BCAS3: variants seen among roughly 807,000 people sequenced by gnomAD.
BCAS3 encodes BCAS3 microtubule associated cell migration factor.
Under a neutral mutation model 116.1 loss-of-function variants are expected in BCAS3, and 53 were observed. The observed-to-expected ratio is 0.46, with a 90% CI of 0.37 to 0.57. BCAS3 has a LOEUF of 0.57. BCAS3 is among the 20% of genes least tolerant of loss of function. The pLI is 0.00. For missense variants in BCAS3, 917 were observed against 1,165.4 expected (o/e 0.79, Z 3.10); for synonymous variants, 391 against 408.2 (o/e 0.96, Z 0.51).
At position 61,379,427 on chromosome 17, in the gene BCAS3, T is replaced by C. The variant is rs982633121; in HGVS notation, c.2593+10933T>C. On this transcript the variant is annotated intron_variant, in intron 23 of 23. Coordinates refer to ENST00000407086, the MANE Select transcript of BCAS3 (RefSeq NM_017679.5). The surrounding 1 kb of genome is among the most constrained non-coding windows in gnomAD (Gnocchi z 5.5). ...AGTTGGCAATGACCCTCTGACCCTT[T>C]AGGAATCCAGAATCTTGGCTCCTAG... 1 of 152,138 alleles carries C rather than the reference T, an allele frequency of 6.6e-6. No individual in the cohort carries two copies. Among genetic ancestry groups the C allele is most frequent in the African/African-American group, 2.4e-5 (1 of 41,410 alleles). 9.4% of individuals were successfully genotyped at this position (152,138 alleles called of 1,614,324 possible).
In BCAS3 at chr17:60,947,209, T is replaced by A; in HGVS notation, c.1088-10T>A. On this transcript the variant is annotated splice_polypyrimidine_tract_variant and intron_variant, in intron 13 of 23. Coordinates refer to ENST00000407086, the MANE Select transcript of BCAS3 (RefSeq NM_017679.5). The stretch of plus-strand genomic sequence containing the variant: ...ATTTTTATTTTTACCCTTTGTTTTT[T>A]GTCTTCCAGGAATGCTTCTAGTCAC... The A allele has an allele frequency of 6.2e-7, 1 of 1,606,948 alleles. No individual in the cohort carries two copies. The highest frequency in any genetic ancestry group is 8.5e-7 in the Non-Finnish European group (1 of 1,175,388).
chr17:60,715,735 A>G (rs2038522344), intron 5 of BCAS3, among the ~76,000 whole-genome samples: 1 of 152,056 alleles, frequency 6.6e-6, no homozygotes, highest in Non-Finnish European at 1.5e-5. Context: ...TGCCTGCCTC[A>G]GCCTCCCAAA....
At chr17:61,236,531 A>G (rs1297986895) in intron 22 of BCAS3, among the ~76,000 whole-genome samples, 4 of 152,130 alleles carry the variant, frequency 2.6e-5, no homozygotes, top group Non-Finnish European at 5.9e-5. Flanking sequence ...TGTGTTAGCC[A>G]GGGTGGTCTC....
At chr17:60,943,062 T>A (rs2060306388) in intron 13 of BCAS3, among the ~76,000 whole-genome samples, 1 of 152,074 alleles carries the variant, frequency 6.6e-6, no homozygotes, top group South Asian at 2.1e-4. Context: ...AAATAAGTAG[T>A]CTCAAAACAG....
At chr17:61,147,683 AC>A (rs2077303672) in intron 22 of BCAS3, among the ~76,000 whole-genome samples, 1 of 152,172 alleles carries the variant, frequency 6.6e-6, no homozygotes, top group Non-Finnish European at 1.5e-5. Flanking sequence ...GGGGATACAT[AC>A]CTTAGAAATG....
rs1272411027 is a variant in BCAS3, at chr17:61,181,931, C to T, written c.2425+97367C>T. 6.6e-6 allele frequency among the ~76,000 whole-genome samples: 1 copy of T among 151,526 alleles called. No homozygotes were observed. The highest frequency in any genetic ancestry group is 2.4e-5 in the African/African-American group (1 of 41,208). On this transcript the variant is annotated intron_variant, in intron 22 of 23. Coordinates refer to ENST00000407086, the MANE Select transcript of BCAS3 (RefSeq NM_017679.5). This position sits in a 1 kb window ranked among gnomAD's most constrained non-coding sequence, Gnocchi z 5.0. ...CTCCGCTGCCCAGGCTGGAGTGCAGCGTCATGATTCTAGCTCATTGCACCC... is the reference window on the plus strand; with the variant it reads ...CTCCGCTGCCCAGGCTGGAGTGCAGTGTCATGATTCTAGCTCATTGCACCC...
At chr17:61,064,656 A>G (rs887464179) in intron 19 of BCAS3, among the ~76,000 whole-genome samples, 10 of 152,224 alleles carry the variant, frequency 6.6e-5, no homozygotes, top group Admixed American at 5.2e-4. Flanking sequence ...CTATTAGTTT[A>G]TAGACAGAGA....
At chr17:61,184,242 A>G (rs2079636863) in intron 22 of BCAS3, among the ~76,000 whole-genome samples, 1 of 152,160 alleles carries the variant, frequency 6.6e-6, no homozygotes, top group Non-Finnish European at 1.5e-5. Context: ...ATAGATTGTC[A>G]TTGATAAAGT....
chr17:60,745,071 C>T (rs889939602), intron 5 of BCAS3, among the ~76,000 whole-genome samples: 2 of 151,832 alleles, frequency 1.3e-5, no homozygotes, highest in Non-Finnish European at 1.5e-5. Flanking sequence ...AATATGGTTA[C>T]ACTTCTTTAA....
In BCAS3 at chr17:61,068,694, C is replaced by A. The variant is rs1305657591; in HGVS notation, c.2030-6226C>A. ...ACATAAGTTTTCACCGCCATTGGTC[C>A]CTAAAACTTCTTCTGGGATTCTGTC... is the stretch of plus-strand genomic sequence containing the variant. On this transcript the variant is annotated intron_variant, in intron 19 of 23. Transcript: ENST00000407086. The surrounding 1 kb of genome is among the most constrained non-coding windows in gnomAD (Gnocchi z 4.3). Among the ~76,000 whole-genome samples, 3 of 152,158 alleles carry A rather than the reference C, an allele frequency of 2.0e-5. No homozygotes were observed. The highest frequency in any genetic ancestry group is 4.4e-5 in the Non-Finnish European group (3 of 68,030).
At chr17:61,201,950 G>T (rs116650194) in intron 22 of BCAS3, among the ~76,000 whole-genome samples, 7 of 151,268 alleles carry the variant, frequency 4.6e-5, no homozygotes, top group African/African-American at 1.7e-4. Context: ...AGTAGAGACC[G>T]GGTTTCACCA....
intron 14 of BCAS3, among the ~76,000 whole-genome samples, chr17:60,984,817 C>A (rs905817912): frequency 6.6e-6 from 1 of 151,828 alleles, no homozygotes; most frequent in Non-Finnish European, 1.5e-5. Flanking sequence ...TGAGACCAGC[C>A]TGGCCAAGAT....
intron 19 of BCAS3, among the ~76,000 whole-genome samples, chr17:61,062,338 G>A (rs1350532743): frequency 1.3e-5 from 2 of 152,130 alleles, no homozygotes; most frequent in African/African-American, 4.8e-5. Context: ...GTAAAGGTAA[G>A]CTTTAATAAG....
intron 16 of BCAS3, 99 bp downstream of exon 16, chr17:61,016,000 C>T (rs1336576700): frequency 2.4e-6 from 3 of 1,272,932 alleles, no homozygotes; most frequent in Non-Finnish European, 3.3e-6. Flanking sequence ...TTATTATGTT[C>T]TTCATTTCCA....
chr17:61,151,444 T>C lies in BCAS3; in HGVS notation c.2425+66880T>C, dbSNP rs1758083527. ...CTTCCGCAAATTCCTGCATTGCTTC[T>C]AATCTAAACATCTCTTTCATTCAAC... On this transcript the variant is annotated intron_variant, in intron 22 of 23. Coordinates refer to ENST00000407086, the MANE Select transcript of BCAS3 (RefSeq NM_017679.5). The surrounding 1 kb of genome is among the most constrained non-coding windows in gnomAD (Gnocchi z 4.8). Among the ~76,000 whole-genome samples, 1 of 151,562 alleles carries C rather than the reference T, an allele frequency of 6.6e-6. No individual in the cohort carries two copies. Among genetic ancestry groups the C allele is most frequent in the Non-Finnish European group, 1.5e-5 (1 of 67,960 alleles).
intron 6 of BCAS3, among the ~76,000 whole-genome samples, chr17:60,795,037 G>A (rs113741862): frequency 0.044 from 6,766 of 152,136 alleles, 542 homozygotes; most frequent in African/African-American, 0.15. Context: ...ATCTGCGAGC[G>A]TGAGCATGGG....
Position 61,180,126 on chromosome 17 carries a change from T to C in BCAS3, c.2425+95562T>C, listed in dbSNP as rs2079394840. On this transcript the variant is annotated intron_variant, in intron 22 of 23. Coordinates refer to ENST00000407086, the MANE Select transcript of BCAS3 (RefSeq NM_017679.5). The surrounding 1 kb of genome is among the most constrained non-coding windows in gnomAD (Gnocchi z 6.0). ...GATATTTTGGAGTCCGAGACCAGATTGAGTGCACCATTTTGCCAAACATCA... is the reference window on the plus strand; with the variant it reads ...GATATTTTGGAGTCCGAGACCAGATCGAGTGCACCATTTTGCCAAACATCA... 1.3e-5 allele frequency among the ~76,000 whole-genome samples: 2 copies of C among 152,140 alleles called. No individual in the cohort carries two copies. The highest frequency in any genetic ancestry group is 4.8e-5 in the African/African-American group (2 of 41,438).
intron 13 of BCAS3, among the ~76,000 whole-genome samples, chr17:60,937,904 A>G (rs1375757575): frequency 6.6e-6 from 1 of 152,218 alleles, no homozygotes; most frequent in Non-Finnish European, 1.5e-5. Flanking sequence ...ACAGTCTGAT[A>G]CTACCATGTA....
chr17:60,825,806 C>G (rs534290516), intron 7 of BCAS3, among the ~76,000 whole-genome samples: 1 of 150,542 alleles, frequency 6.6e-6, no homozygotes, highest in South Asian at 2.1e-4. Flanking sequence ...GCCCTCATGA[C>G]TTAATCACCT....
Sources: gnomAD v4.1 joint callset for allele counts (sites outside exome capture counted in the v4.1 genomes callset) on GRCh38, gnomAD v4.1.1 for gene constraint, Gnocchi (gnomAD v3.1) non-coding constraint, MANE v1.5 for transcripts, NCBI Gene and HGNC (gene_info 2026-07-23, HGNC 2026-07-21) for gene names.